Variants in CASTOR2 observed in about 807,000 individuals in gnomAD.
The protein encoded by CASTOR2 is cytosolic arginine sensor for mTORC1 subunit 2.
A neutral mutation model predicts 31.2 loss-of-function variants in CASTOR2; 8 were observed. The ratio of observed to expected loss-of-function variants is 0.26; its 90% CI spans 0.15 to 0.46. The LOEUF (loss-of-function observed/expected upper bound fraction) is 0.46, where lower values mean the gene tolerates loss of function less well. CASTOR2 is among the 20% of genes least tolerant of loss of function. The probability of loss-of-function intolerance (pLI) is 0.99; values close to 1 mark genes in which losing one functional copy is unlikely to be tolerated. For synonymous variants in CASTOR2, 162 were observed against 158.7 expected, an observed-to-expected ratio of 1.02 and a Z score of -0.16; for missense variants, 216 against 382.1, an observed-to-expected ratio of 0.57 and a Z score of 3.62.
At chr7:74,987,954 C>A (rs1357198798) in intron 1 of CASTOR2, among the ~76,000 whole-genome samples, 1 of 151,654 alleles carries the variant, frequency 6.6e-6, no homozygotes, top group African/African-American at 2.4e-5. Flanking sequence ...GTGATACACC[C>A]GCTTTGGCCT....
At chr7:75,009,262 C>T (rs1804675185) in intron 2 of CASTOR2, among the ~76,000 whole-genome samples, 1 of 60,302 alleles carries the variant, frequency 1.7e-5, no homozygotes, top group African/African-American at 7.1e-5. Flanking sequence ...GGCCTGAGAA[C>T]TTTTTTTTTT....
Position 75,025,651 on chromosome 7 carries a change from T to G in CASTOR2, c.*952T>G, listed in dbSNP as rs1805109062. On this transcript the variant is annotated 3_prime_UTR_variant, in exon 9 of 9. Transcript: ENST00000616305. Reference sequence around the variant, plus strand: ...GTCACCTGCCTGCCCACCCGCCCCTTGGCTGGGGGCTGTGGCATTCATGAG... The same window carrying G: ...GTCACCTGCCTGCCCACCCGCCCCTGGGCTGGGGGCTGTGGCATTCATGAG... Among the ~76,000 whole-genome samples the G allele has an allele frequency of 6.6e-6, 1 of 152,248 alleles. No individual in the cohort carries two copies. Among genetic ancestry groups the G allele is most frequent in the Non-Finnish European group, 1.5e-5 (1 of 68,042 alleles).
At chr7:74,987,269 G>A (rs1804090102) in intron 1 of CASTOR2, among the ~76,000 whole-genome samples, 1 of 152,098 alleles carries the variant, frequency 6.6e-6, no homozygotes, top group African/African-American at 2.4e-5. Context: ...TCCGGGCCTG[G>A]TGGCGGGAGC....
intron 5 of CASTOR2, among the ~76,000 whole-genome samples, 165 bp downstream of exon 5, chr7:75,019,260 C>T (rs1804936547): frequency 6.6e-6 from 1 of 152,066 alleles, no homozygotes; most frequent in South Asian, 2.1e-4. Context: ...TGGACCCACC[C>T]TGGAACTAGT....
chr7:74,997,352 C>T (rs1290091464), intron 1 of CASTOR2, among the ~76,000 whole-genome samples: 1 of 152,078 alleles, frequency 6.6e-6, no homozygotes, highest in African/African-American at 2.4e-5. Context: ...GTAGATACCC[C>T]TCTTGGAAGT....
At chr7:75,000,685 T>C (rs1804474796) in intron 1 of CASTOR2, among the ~76,000 whole-genome samples, 1 of 151,764 alleles carries the variant, frequency 6.6e-6, no homozygotes, top group Admixed American at 6.6e-5. Context: ...TGAGATGGAG[T>C]CTCGCTCTGT....
Position 75,028,156 on chromosome 7 carries a change from C to G in CASTOR2, c.*3457C>G. 3 of 1,351,214 alleles carry G rather than the reference C, an allele frequency of 2.2e-6. No individual in the cohort carries two copies. The highest frequency in any genetic ancestry group is 2.9e-6 in the Non-Finnish European group (3 of 1,021,310). The allele number at this position is 1,351,214 out of a possible 1,614,324, so 83.7% of individuals were successfully genotyped here. A position where few individuals can be genotyped will look rare whatever the true frequency, so the allele number is the denominator to read the frequency against. Reference sequence around the variant, plus strand: ...TTTTTGAGACGGAGTCTTGCTCTGTCGCCCAGGCTGGAGTGCTGTGGCATG... The same window carrying G: ...TTTTTGAGACGGAGTCTTGCTCTGTGGCCCAGGCTGGAGTGCTGTGGCATG... On this transcript the variant is annotated 3_prime_UTR_variant, in exon 9 of 9. Coordinates refer to ENST00000616305, the MANE Select transcript of CASTOR2 (RefSeq NM_001145064.3).
intron 1 of CASTOR2, among the ~76,000 whole-genome samples, chr7:74,995,833 G>A (rs1214671169): frequency 5.3e-5 from 8 of 151,680 alleles, no homozygotes; most frequent in Non-Finnish European, 1.0e-4. Context: ...AAATTAGCCA[G>A]GCATGGTGGT....
At position 75,021,930 on chromosome 7, in the gene CASTOR2, G is replaced by A. The variant is rs1454960110; in HGVS notation, c.803G>A (p.Arg268Gln). Residue 268 changes from arginine to glutamine, a missense_variant, in exon 7 of 9, where the codon CGG becomes CAG. Physicochemically the swap from Arg to Gln is conservative, Grantham distance 43. Coordinates refer to ENST00000616305, the MANE Select transcript of CASTOR2 (RefSeq NM_001145064.3). ...SASGELWKMV[R>Q]IGGQPLGFDE... ...TCCGGAGAGCTCTGGAAGATGGTCCGGATTGGAGGACAGCCCCTGGGGTTT... is the reference window on the plus strand; with the variant it reads ...TCCGGAGAGCTCTGGAAGATGGTCCAGATTGGAGGACAGCCCCTGGGGTTT... 10 of 1,551,672 alleles carry A rather than the reference G, an allele frequency of 6.4e-6. No individual in the cohort carries two copies. Among genetic ancestry groups the A allele is most frequent in the South Asian group, 2.4e-5 (2 of 84,054 alleles).
chr7:74,978,104 A>ATTTT (rs4029892), intron 1 of CASTOR2, among the ~76,000 whole-genome samples: 1 of 137,040 alleles, frequency 7.3e-6, no homozygotes, highest in East Asian at 2.1e-4. Context: ...GCACACCCCA[A>ATTTT]TTTTTTTTTT....
At chr7:75,005,145 G>A (rs2131942618) in intron 1 of CASTOR2, among the ~76,000 whole-genome samples, 1 of 152,266 alleles carries the variant, frequency 6.6e-6, no homozygotes, top group South Asian at 2.1e-4. Flanking sequence ...GGGATTACAG[G>A]CGTGAGCCAC....
chr7:75,011,962 G>A (rs144458482), intron 2 of CASTOR2, among the ~76,000 whole-genome samples: 15,840 of 150,330 alleles, frequency 0.11, 883 homozygotes, highest in South Asian at 0.12. Flanking sequence ...GTGAGACTCC[G>A]TCTTAAAAGA....
intron 1 of CASTOR2, among the ~76,000 whole-genome samples, chr7:74,993,922 G>A (rs1804275058): frequency 6.6e-6 from 1 of 152,140 alleles, no homozygotes; most frequent in East Asian, 1.9e-4. Context: ...CTCCCCTGCT[G>A]CACCCTCCTT....
At chr7:75,007,510 A>C (rs1160726962) in intron 1 of CASTOR2, among the ~76,000 whole-genome samples, 3 of 152,130 alleles carry the variant, frequency 2.0e-5, no homozygotes, top group Non-Finnish European at 4.4e-5. Context: ...CTGGGCTGTC[A>C]GTCAGCTGGT....
At chr7:75,021,465 A>G (rs1283196525) in intron 6 of CASTOR2, among the ~76,000 whole-genome samples, 1 of 152,126 alleles carries the variant, frequency 6.6e-6, no homozygotes, top group Non-Finnish European at 1.5e-5. Flanking sequence ...GCACTTCATC[A>G]TAAGTAAGCT....
At chr7:74,970,969 A>AG (rs1803664631) in intron 1 of CASTOR2, among the ~76,000 whole-genome samples, 1 of 149,692 alleles carries the variant, frequency 6.7e-6, no homozygotes, top group East Asian at 2.0e-4. Flanking sequence ...AAATGTAACC[A>AG]GGGGCTATCA....
chr7:74,985,896 C>T (rs1804051529), intron 1 of CASTOR2, among the ~76,000 whole-genome samples: 1 of 152,078 alleles, frequency 6.6e-6, no homozygotes. Context: ...ACTCCTTCAG[C>T]AGATGCTCAC....
At chr7:75,021,152 C>G (rs1373026320) in intron 6 of CASTOR2, among the ~76,000 whole-genome samples, 1 of 152,128 alleles carries the variant, frequency 6.6e-6, no homozygotes, top group Non-Finnish European at 1.5e-5. Flanking sequence ...CCACCATACC[C>G]TGTTTATTTT....
At chr7:74,985,585 CAA>C (rs782053038) in intron 1 of CASTOR2, among the ~76,000 whole-genome samples, 1 of 67,582 alleles carries the variant, frequency 1.5e-5, no homozygotes, top group Non-Finnish European at 2.5e-5. Context: ...CAGCCTGGCT[CAA>C]AAAAAAAAAA....
Sources: allele counts gnomAD v4.1 joint callset (sites outside exome capture counted in the v4.1 genomes callset), GRCh38; gene constraint gnomAD v4.1.1; transcripts MANE v1.5; gene names NCBI Gene and HGNC (gene_info 2026-07-23, HGNC 2026-07-21).